Variants in DPYSL2 observed in about 807,000 individuals in gnomAD.
DPYSL2 encodes dihydropyrimidinase-related protein 2.
DPYSL2 carries 13 observed loss-of-function variants against 69.9 expected under a neutral mutation model. The observed-to-expected ratio is 0.19, with a 90% CI of 0.12 to 0.30. DPYSL2 has a LOEUF of 0.30. Ranked by LOEUF, DPYSL2 falls within the 10% of genes least tolerant of loss-of-function variation. DPYSL2 has a pLI of 1.00. For missense variants in DPYSL2, 587 were observed against 918.9 expected (o/e 0.64, Z 4.67); for synonymous variants, 326 against 359.1 (o/e 0.91, Z 1.04).
chr8:26,543,387 T>C (rs1188670523), intron 1 of DPYSL2, among the ~76,000 whole-genome samples: 1 of 152,218 alleles, frequency 6.6e-6, no homozygotes, highest in African/African-American at 2.4e-5. Context: ...AGTCCTGATA[T>C]ACACTGCTCA....
Position 26,597,444 on chromosome 8 carries a change from G to A in DPYSL2, c.628+13461G>A, listed in dbSNP as rs1801887676. Among the ~76,000 whole-genome samples the A allele has an allele frequency of 1.3e-5, 2 of 152,080 alleles. No individual in the cohort carries two copies. The highest frequency in any genetic ancestry group is 4.2e-4 in the South Asian group (2 of 4,816). On this transcript the variant is annotated intron_variant, in intron 3 of 13. Coordinates refer to ENST00000521913, the MANE Select transcript of DPYSL2 (RefSeq NM_001197293.3). This position sits in a 1 kb window ranked among gnomAD's most constrained non-coding sequence, Gnocchi z 5.2. ...GCTCAGCACCTCCCATGTCTGCTTG[G>A]GAAACACCACGGGCAGATGGCATTT...
intron 1 of DPYSL2, among the ~76,000 whole-genome samples, chr8:26,521,552 A>C (rs1808385241): frequency 6.6e-6 from 1 of 152,022 alleles, no homozygotes; most frequent in African/African-American, 2.4e-5. Context: ...GAAATGCACA[A>C]TTTAATGGCT....
At chr8:26,639,979 G>C (rs941285616) in intron 8 of DPYSL2, among the ~76,000 whole-genome samples, 1 of 152,168 alleles carries the variant, frequency 6.6e-6, no homozygotes, top group Non-Finnish European at 1.5e-5. Flanking sequence ...CTGTTTGTTA[G>C]GGTCTGGCAT....
intron 1 of DPYSL2, among the ~76,000 whole-genome samples, chr8:26,526,064 G>A (rs756061395): frequency 3.3e-5 from 5 of 151,856 alleles, no homozygotes; most frequent in Non-Finnish European, 5.9e-5. Flanking sequence ...GTTATATTTG[G>A]TAGTTTATTT....
intron 1 of DPYSL2, among the ~76,000 whole-genome samples, chr8:26,579,771 T>G (rs1801443878): frequency 6.6e-6 from 1 of 152,244 alleles, no homozygotes; most frequent in South Asian, 2.1e-4. Context: ...GTGTTCACTG[T>G]GCAGGAGGAA....
At chr8:26,634,951 G>A in intron 8 of DPYSL2, 51 bp downstream of exon 8, 1 of 1,608,768 alleles carries the variant, frequency 6.2e-7, no homozygotes, top group East Asian at 2.2e-5. Flanking sequence ...GTTTGGAGGG[G>A]AGGGGGGCTC....
chr8:26,517,458 A>G lies in DPYSL2; in HGVS notation c.354+2779A>G, dbSNP rs1344434578. Reference sequence around the variant, plus strand: ...TCTATCTTGTTACTCTCTTTTTCCTATAAGTCCACTTTGGGCTTCAGTGAG... The same window carrying G: ...TCTATCTTGTTACTCTCTTTTTCCTGTAAGTCCACTTTGGGCTTCAGTGAG... On this transcript the variant is annotated intron_variant, in intron 1 of 13. Coordinates refer to ENST00000521913, the MANE Select transcript of DPYSL2 (RefSeq NM_001197293.3). This position sits in a 1 kb window ranked among gnomAD's most constrained non-coding sequence, Gnocchi z 4.2. Among the ~76,000 whole-genome samples the G allele has an allele frequency of 1.3e-5, 2 of 152,174 alleles. No homozygotes were observed. Among genetic ancestry groups the G allele is most frequent in the African/African-American group, 2.4e-5 (1 of 41,446 alleles).
At position 26,643,729 on chromosome 8, in the gene DPYSL2, C is replaced by A; in HGVS notation, c.1283+134C>A. On this transcript the variant is annotated intron_variant, in intron 9 of 13. Transcript: ENST00000521913. The surrounding 1 kb of genome is among the most constrained non-coding windows in gnomAD (Gnocchi z 6.5). The stretch of plus-strand genomic sequence containing the variant: ...ACCCTTGTTCACCAAACTAGGTTGG[C>A]TACATGAGTACAGGGAATTGTCATT... The A allele has an allele frequency of 2.2e-6, 3 of 1,343,202 alleles. No homozygotes were observed. The highest frequency in any genetic ancestry group is 3.1e-6 in the Non-Finnish European group (3 of 965,950). 83.2% of individuals were successfully genotyped at this position (1,343,202 alleles called of 1,614,324 possible). A position where few individuals can be genotyped will look rare whatever the true frequency, so the allele number is the denominator to read the frequency against.
At position 26,634,916 on chromosome 8, in the gene DPYSL2, G is replaced by T; in HGVS notation, c.1126+16G>T. 1 of 1,613,736 alleles carries T rather than the reference G, an allele frequency of 6.2e-7. No individual in the cohort carries two copies. The highest frequency in any genetic ancestry group is 8.5e-7 in the Non-Finnish European group (1 of 1,179,778). On this transcript the variant is annotated intron_variant, in intron 8 of 13. Coordinates refer to ENST00000521913, the MANE Select transcript of DPYSL2 (RefSeq NM_001197293.3). ...CGGAAGAAGGGTGAGTGCTGTGGCC[G>T]GACTGGCTGATGGCAGGTGGGGAGG... is the stretch of plus-strand genomic sequence containing the variant.
rs1474588602 is a variant in DPYSL2 at position 26,624,400 on chromosome 8, A to T, written c.793+93A>T. ...GGGAAGAAAGTGATAATGCTTCCAG[A>T]TCCCATTTGTGCCTCATGCCCATGC... On this transcript the variant is annotated intron_variant, in intron 4 of 13. Transcript: ENST00000521913. This position sits in a 1 kb window ranked among gnomAD's most constrained non-coding sequence, Gnocchi z 4.7. 2.0e-6 allele frequency: 3 copies of T among 1,486,088 alleles called. No individual in the cohort carries two copies. The African/African-American group carries it at 4.1e-5, about 21-fold the overall frequency. 92.1% of individuals were successfully genotyped at this position (1,486,088 alleles called of 1,614,324 possible). A position where few individuals can be genotyped will look rare whatever the true frequency, so the allele number is the denominator to read the frequency against.
intron 1 of DPYSL2, chr8:26,578,457 T>C: frequency 2.7e-6 from 4 of 1,479,676 alleles, no homozygotes; most frequent in Non-Finnish European, 3.6e-6. Flanking sequence ...TTGTGGGAGA[T>C]GCAGTGATCC....
chr8:26,624,054 C>G lies in DPYSL2; in HGVS notation c.629-89C>G, dbSNP rs765047133. On this transcript the variant is annotated intron_variant, in intron 3 of 13. Transcript: ENST00000521913. The surrounding 1 kb of genome is among the most constrained non-coding windows in gnomAD (Gnocchi z 4.7). ...CCATCTCGATTTTGAACCCAAGAAG[C>G]CTTATTCAGGGTTCAAGTGGGAAAA... 1.4e-6 allele frequency: 2 copies of G among 1,421,278 alleles called. No homozygotes were observed. Among genetic ancestry groups the G allele is most frequent in the South Asian group, 1.3e-5 (1 of 77,850 alleles). 88.0% of individuals were successfully genotyped at this position (1,421,278 alleles called of 1,614,324 possible). A position where few individuals can be genotyped will look rare whatever the true frequency, so the allele number is the denominator to read the frequency against.
chr8:26,640,106 A>G lies in DPYSL2; in HGVS notation c.1127-3333A>G, dbSNP rs114214677. On this transcript the variant is annotated intron_variant, in intron 8 of 13. Transcript: ENST00000521913. The surrounding 1 kb of genome is among the most constrained non-coding windows in gnomAD (Gnocchi z 4.2). ...GCTGCATATGGAGCTACAGATACTG[A>G]TTTCCCACAGTTCCCACTTTGGATT... is the stretch of plus-strand genomic sequence containing the variant. Among the ~76,000 whole-genome samples the G allele has an allele frequency of 3.1e-3, 469 of 152,236 alleles. 3 individuals carry two copies. The highest frequency in any genetic ancestry group is 0.011 in the African/African-American group (455 of 41,538).
chr8:26,647,806 A>G lies in DPYSL2; in HGVS notation c.1596+6A>G. 1 of 1,610,708 alleles carries G rather than the reference A, an allele frequency of 6.2e-7. No individual in the cohort carries two copies. Among genetic ancestry groups the G allele is most frequent in the Non-Finnish European group, 8.5e-7 (1 of 1,178,200 alleles). On this transcript the variant is annotated splice_donor_region_variant and intron_variant, in intron 11 of 13. Coordinates refer to ENST00000521913, the MANE Select transcript of DPYSL2 (RefSeq NM_001197293.3). This position sits in a 1 kb window ranked among gnomAD's most constrained non-coding sequence, Gnocchi z 5.1. ...CTGCCAAGACACACAACAGCGTAAGACCTGTTAACTGTGCAGACCCCATCC... is the reference window on the plus strand; with the variant it reads ...CTGCCAAGACACACAACAGCGTAAGGCCTGTTAACTGTGCAGACCCCATCC...
intron 1 of DPYSL2, among the ~76,000 whole-genome samples, chr8:26,557,634 A>AAAAAG (rs1306900446): frequency 6.0e-5 from 9 of 149,988 alleles, no homozygotes; most frequent in African/African-American, 1.9e-4. Context: ...AAAAAAAAAA[A>AAAAAG]AAAAAAAAGC....
chr8:26,522,493 C>T (rs1054665804), intron 1 of DPYSL2, among the ~76,000 whole-genome samples: 2 of 152,230 alleles, frequency 1.3e-5, no homozygotes, highest in East Asian at 3.8e-4. Flanking sequence ...CCAACTTCTG[C>T]ACATCCTAGC....
intron 3 of DPYSL2, among the ~76,000 whole-genome samples, chr8:26,592,317 T>A (rs1202476268): frequency 2.0e-5 from 3 of 152,174 alleles, no homozygotes; most frequent in Non-Finnish European, 2.9e-5. Flanking sequence ...TACACCCGGC[T>A]AATTTTTTAC....
At chr8:26,633,348 T>G (rs141014280) in intron 7 of DPYSL2, among the ~76,000 whole-genome samples, 181 of 152,320 alleles carry the variant, frequency 1.2e-3, no homozygotes, top group African/African-American at 1.9e-3. Flanking sequence ...TTTCACCTGC[T>G]CCTTCCCTTG....
chr8:26,622,607 A>G (rs1194283038), intron 3 of DPYSL2, among the ~76,000 whole-genome samples: 4 of 151,860 alleles, frequency 2.6e-5, no homozygotes, highest in African/African-American at 4.8e-5. Context: ...GGCTCAAGCA[A>G]TTCTCCTGCC....
Sources: gnomAD v4.1 joint callset for allele counts (sites outside exome capture counted in the v4.1 genomes callset) on GRCh38, gnomAD v4.1.1 for gene constraint, Gnocchi (gnomAD v3.1) non-coding constraint, MANE v1.5 for transcripts, NCBI Gene and HGNC (gene_info 2026-07-23, HGNC 2026-07-21) for gene names.